Variants in UHMK1 observed in about 807,000 individuals in gnomAD.
UHMK1 encodes serine/threonine-protein kinase Kist.
In UHMK1, 18 loss-of-function variants were observed where a neutral mutation model predicts 44.0. The observed-to-expected ratio is 0.41, with a 90% CI of 0.28 to 0.61. The LOEUF is 0.61. UHMK1 is among the 20% of genes least tolerant of loss of function. The pLI is 0.31. For missense variants in UHMK1, 463 were observed against 522.5 expected, an observed-to-expected ratio of 0.89 and a Z score of 1.11; for synonymous variants, 231 against 198.5, an observed-to-expected ratio of 1.16 and a Z score of -1.38.
chr1:162,518,261 T>C (rs964783809), intron 7 of UHMK1, 71 bp downstream of exon 7: 6 of 1,119,620 alleles, frequency 5.4e-6, no homozygotes, highest in Non-Finnish European at 7.9e-6. Context: ...GTTTTAGTTC[T>C]GTAGGAAGAT....
chr1:162,497,658 C>A, upstream of UHMK1: 1 of 670,390 alleles, frequency 1.5e-6, no homozygotes, highest in African/African-American at 1.9e-5. Context: ...AAGCGGTTAA[C>A]ACTGGGCCTG....
intron 4 of UHMK1, among the ~76,000 whole-genome samples, chr1:162,504,397 A>G (rs1223883732): frequency 6.6e-6 from 1 of 152,200 alleles, no homozygotes; most frequent in South Asian, 2.1e-4. Flanking sequence ...TGATTTTGCC[A>G]TGCTGACATC....
intron 1 of UHMK1, among the ~76,000 whole-genome samples, chr1:162,499,099 T>C (rs1571001895): frequency 6.6e-6 from 1 of 152,168 alleles, no homozygotes; most frequent in African/African-American, 2.4e-5. Context: ...TTGCCTGATC[T>C]CTGCAAGATT....
chr1:162,509,085 A>T (rs1204128240), intron 4 of UHMK1, among the ~76,000 whole-genome samples: 2 of 152,092 alleles, frequency 1.3e-5, no homozygotes, highest in African/African-American at 4.8e-5. Context: ...ACGCACAGTC[A>T]GTTATAATCC....
At chr1:162,498,416 T>G in intron 1 of UHMK1, 148 bp downstream of exon 1, 2 of 990,964 alleles carry the variant, frequency 2.0e-6, no homozygotes, top group Non-Finnish European at 2.9e-6. Context: ...CCCTTTCCCC[T>G]TTCACTTTAT....
intron 6 of UHMK1, among the ~76,000 whole-genome samples, chr1:162,517,018 G>A (rs1010075909): frequency 1.3e-5 from 2 of 152,244 alleles, no homozygotes; most frequent in African/African-American, 4.8e-5. Flanking sequence ...CACAAGTGAG[G>A]CTGGGCGCAG....
Position 162,497,826 on chromosome 1 carries a change from G to A in UHMK1, c.-175G>A, listed in dbSNP as rs1651103178. On this transcript the variant is annotated 5_prime_UTR_variant, in exon 1 of 8. Coordinates refer to ENST00000489294, the MANE Select transcript of UHMK1 (RefSeq NM_175866.5). ...CTCCATTTCCGGCTTCTGGGACTCG[G>A]GTGCACCACGGCTTCCGGTGTCATG... 1 of 1,351,726 alleles carries A rather than the reference G, an allele frequency of 7.4e-7. No homozygotes were observed. The highest frequency in any genetic ancestry group is 3.8e-5 in the Admixed American group (1 of 26,322). 83.7% of individuals were successfully genotyped at this position (1,351,726 alleles called of 1,614,324 possible).
chr1:162,525,570 T>C lies in UHMK1; in HGVS notation c.*3020T>C, dbSNP rs1406117843. On this transcript the variant is annotated 3_prime_UTR_variant, in exon 8 of 8. Transcript: ENST00000489294. Reference sequence around the variant, plus strand: ...AGCCACTGTCAAAACTAATGCTGTATTTACAGGACAAAAACAAGTAGAGTT... The same window carrying C: ...AGCCACTGTCAAAACTAATGCTGTACTTACAGGACAAAAACAAGTAGAGTT... 6.6e-6 allele frequency: 1 copy of C among 152,178 alleles called. No individual in the cohort carries two copies. The highest frequency in any genetic ancestry group is 1.5e-5 in the Non-Finnish European group (1 of 68,020). 9.4% of individuals were successfully genotyped at this position (152,178 alleles called of 1,614,324 possible). A position where few individuals can be genotyped will look rare whatever the true frequency, so the allele number is the denominator to read the frequency against.
chr1:162,522,632 A>G lies in UHMK1; in HGVS notation c.*82A>G. The G allele has an allele frequency of 7.0e-7, 1 of 1,424,504 alleles. No homozygotes were observed. The highest frequency in any genetic ancestry group is 9.6e-7 in the Non-Finnish European group (1 of 1,043,820). 88.2% of individuals were successfully genotyped at this position (1,424,504 alleles called of 1,614,324 possible). ...CATATGAATGCAGGACTACCCCCTT[A>G]CCATTTTAAGAAGGTACTTTATACA... On this transcript the variant is annotated 3_prime_UTR_variant, in exon 8 of 8. Coordinates refer to ENST00000489294, the MANE Select transcript of UHMK1 (RefSeq NM_175866.5).
chr1:162,499,961 T>C lies in UHMK1; in HGVS notation c.275T>C (p.Leu92Ser). The change falls in exon 2 of 8, where the codon TTG (leucine) becomes TCG (serine). Residue 92 changes from leucine to serine, a missense_variant. Coordinates refer to ENST00000489294, the MANE Select transcript of UHMK1 (RefSeq NM_175866.5). ...TTATAATTTCTTTTTCTAGTGACTTTGTATGGAGTGTTTACAATCCACTTT... is the reference window on the plus strand; with the variant it reads ...TTATAATTTCTTTTTCTAGTGACTTCGTATGGAGTGTTTACAATCCACTTT... ...QLQGHRNIVT[L>S]YGVFTIHFSP... is the part of the protein sequence containing the mutation. The C allele has an allele frequency of 6.2e-7, 1 of 1,614,066 alleles. No homozygotes were observed. The highest frequency in any genetic ancestry group is 8.5e-7 in the Non-Finnish European group (1 of 1,179,974).
chr1:162,497,183 T>C (rs1257663705), upstream of UHMK1: 24 of 667,792 alleles, frequency 3.6e-5, no homozygotes, highest in Non-Finnish European at 5.4e-6. Flanking sequence ...TAAGAACTTG[T>C]GGAGACCAAA....
chr1:162,510,131 T>C (rs1036644307), intron 4 of UHMK1, among the ~76,000 whole-genome samples: 13 of 152,206 alleles, frequency 8.5e-5, no homozygotes, highest in Non-Finnish European at 1.5e-5. Context: ...ATGTACAACG[T>C]GTTTTAAAGT....
chr1:162,528,870 T>C lies in UHMK1; in HGVS notation c.*6320T>C, dbSNP rs1319068292. 6.6e-6 allele frequency: 1 copy of C among 152,118 alleles called. No homozygotes were observed. Among genetic ancestry groups the C allele is most frequent in the Non-Finnish European group, 1.5e-5 (1 of 67,982 alleles). 9.4% of individuals were successfully genotyped at this position (152,118 alleles called of 1,614,324 possible). ...TATTTTTTCCCAAAAGGGTTCCATC[T>C]TTGCTATCTGTTGATCAGCCTTAGA... is the stretch of plus-strand genomic sequence containing the variant. On this transcript the variant is annotated 3_prime_UTR_variant, in exon 8 of 8. Transcript: ENST00000489294.
At chr1:162,508,051 A>T (rs1651540641) in intron 4 of UHMK1, among the ~76,000 whole-genome samples, 1 of 151,774 alleles carries the variant, frequency 6.6e-6, no homozygotes, top group South Asian at 2.1e-4. Flanking sequence ...TGTGATTTTC[A>T]ATTTTTTTTC....
chr1:162,497,714 C>T, upstream of UHMK1: 3 of 1,081,550 alleles, frequency 2.8e-6, no homozygotes, highest in East Asian at 3.3e-5. Flanking sequence ...ATTCTCGGTT[C>T]TTTTTTCCAA....
intron 2 of UHMK1, 99 bp downstream of exon 2, chr1:162,500,346 T>A: frequency 7.3e-7 from 1 of 1,361,478 alleles, no homozygotes; most frequent in Non-Finnish European, 9.8e-7. Flanking sequence ...GGCTTACAAG[T>A]CATTTTAACC....
chr1:162,526,679 TA>T lies in UHMK1; in HGVS notation c.*4130del, dbSNP rs1652262568. The T allele has an allele frequency of 6.6e-6, 1 of 152,162 alleles. No homozygotes were observed. The highest frequency in any genetic ancestry group is 1.5e-5 in the Non-Finnish European group (1 of 67,988). 9.4% of individuals were successfully genotyped at this position (152,162 alleles called of 1,614,324 possible). A position where few individuals can be genotyped will look rare whatever the true frequency, so the allele number is the denominator to read the frequency against. On this transcript the variant is annotated 3_prime_UTR_variant, in exon 8 of 8. Coordinates refer to ENST00000489294, the MANE Select transcript of UHMK1 (RefSeq NM_175866.5). ...ACCTTTGTTTTATTTTTCATATATA[TA>T]TTCACTGTCTGCCTGGAAATAGCCT... is the stretch of plus-strand genomic sequence containing the variant.
intron 6 of UHMK1, among the ~76,000 whole-genome samples, chr1:162,514,150 G>A (rs945409665): frequency 1.3e-5 from 2 of 152,042 alleles, no homozygotes; most frequent in African/African-American, 4.8e-5. Context: ...TTAGCTGGAC[G>A]TGGTGGCACA....
rs2101689503 is a variant in UHMK1, at chr1:162,525,151, C to G, written c.*2601C>G. 1 of 152,300 alleles carries G rather than the reference C, an allele frequency of 6.6e-6. No homozygotes were observed. The highest frequency in any genetic ancestry group is 1.9e-4 in the East Asian group (1 of 5,186). 9.4% of individuals were successfully genotyped at this position (152,300 alleles called of 1,614,324 possible). A position where few individuals can be genotyped will look rare whatever the true frequency, so the allele number is the denominator to read the frequency against. ...GCTCTTAGCCCGTTCTACCAAAGAT[C>G]ACATTAGCAGATTACCCCTCCCTCC... On this transcript the variant is annotated 3_prime_UTR_variant, in exon 8 of 8. Coordinates refer to ENST00000489294, the MANE Select transcript of UHMK1 (RefSeq NM_175866.5).
Sources: gnomAD v4.1 joint callset for allele counts (sites outside exome capture counted in the v4.1 genomes callset) on GRCh38, gnomAD v4.1.1 for gene constraint, MANE v1.5 for transcripts, NCBI Gene and HGNC (gene_info 2026-07-23, HGNC 2026-07-21) for gene names.